TENM2: variants seen among roughly 807,000 people sequenced by gnomAD.
TENM2 encodes the protein teneurin transmembrane protein 2, also known as teneurin-2.
TENM2 carries 52 observed loss-of-function variants against 245.2 expected under a neutral mutation model. The ratio of observed to expected loss-of-function variants is 0.21; its 90% CI spans 0.17 to 0.27. The LOEUF (loss-of-function observed/expected upper bound fraction) is 0.27, where lower values mean the gene tolerates loss of function less well. Ranked by LOEUF, TENM2 falls within the 10% of genes least tolerant of loss-of-function variation. TENM2 has a pLI of 1.00. For synonymous variants in TENM2, 1,363 were observed against 1,438.9 expected (o/e 0.95, Z 1.19); for missense variants, 3,046 against 3,666.8 (o/e 0.83, Z 4.37).
chr5:167,188,449 G>A, the TENM2 span, among the ~76,000 whole-genome samples: 4 of 151,962 alleles, frequency 2.6e-5, no homozygotes, highest in Admixed American at 6.6e-5. Flanking sequence ...TCCTTTTTTA[G>A]ACTCTATCTC....
At chr5:167,927,857 C>G (rs1410317299) in intron 3 of TENM2, among the ~76,000 whole-genome samples, 1 of 152,102 alleles carries the variant, frequency 6.6e-6, no homozygotes, top group Non-Finnish European at 1.5e-5. Context: ...GCCTGCCCAC[C>G]CTAACTCTAA....
At chr5:167,410,671 C>T (rs1386613871) in intron 2 of TENM2, among the ~76,000 whole-genome samples, 2 of 151,978 alleles carry the variant, frequency 1.3e-5, no homozygotes, top group African/African-American at 4.8e-5. Flanking sequence ...TAAAGCAGGT[C>T]TAAAATTATT....
chr5:167,633,978 G>C (rs1779032911), intron 2 of TENM2, among the ~76,000 whole-genome samples: 1 of 152,138 alleles, frequency 6.6e-6, no homozygotes, highest in Admixed American at 6.6e-5. Context: ...CAACTGGTTT[G>C]TTTCTGTATT....
At chr5:167,789,273 G>A (rs754471291) in intron 2 of TENM2, among the ~76,000 whole-genome samples, 70 of 152,186 alleles carry the variant, frequency 4.6e-4, no homozygotes, top group Non-Finnish European at 5.6e-4. Flanking sequence ...GTAGGGTAAT[G>A]TAACCCTAAT....
At chr5:167,207,353 C>T in the TENM2 span, among the ~76,000 whole-genome samples, 31 of 152,298 alleles carry the variant, frequency 2.0e-4, no homozygotes, top group East Asian at 5.4e-3. Flanking sequence ...CACTGAGTTC[C>T]GGCCAATTGT....
chr5:167,782,734 T>A (rs143160928), intron 2 of TENM2, among the ~76,000 whole-genome samples: 1 of 152,350 alleles, frequency 6.6e-6, no homozygotes, highest in East Asian at 1.9e-4. Context: ...GGTACTTTTT[T>A]GATCTTTTCA....
chr5:168,068,504 C>A (rs2152117851), intron 7 of TENM2, among the ~76,000 whole-genome samples: 1 of 152,110 alleles, frequency 6.6e-6, no homozygotes, highest in Non-Finnish European at 1.5e-5. Context: ...TTAGTATTAT[C>A]ATGTTAATCT....
chr5:167,935,374 T>A (rs961440345), intron 3 of TENM2, among the ~76,000 whole-genome samples: 1 of 152,162 alleles, frequency 6.6e-6, no homozygotes, highest in Non-Finnish European at 1.5e-5. Context: ...TGGAATCTGA[T>A]GGACAGGACT....
chr5:168,187,927 G>A (rs1367932399), intron 13 of TENM2, among the ~76,000 whole-genome samples: 1 of 152,218 alleles, frequency 6.6e-6, no homozygotes, highest in African/African-American at 2.4e-5. Flanking sequence ...AAGTGTGCAT[G>A]CCTGCTCACC....
intron 2 of TENM2, chr5:167,653,337 A>G (rs1754603982): frequency 6.6e-6 from 1 of 152,098 alleles, no homozygotes; most frequent in African/African-American, 2.4e-5. Flanking sequence ...TCACTGCAGC[A>G]TTGAAGTCCC....
the TENM2 span, among the ~76,000 whole-genome samples, chr5:167,124,665 A>G: frequency 5.3e-5 from 8 of 152,216 alleles, no homozygotes; most frequent in South Asian, 1.2e-3. Context: ...GAGGGTTATA[A>G]TGGTTCCATC....
chr5:168,253,487 A>G (rs1159748376), intron 27 of TENM2, among the ~76,000 whole-genome samples: 1 of 144,636 alleles, frequency 6.9e-6, no homozygotes. Context: ...GTGCAGTGGT[A>G]CGATCTTGGC....
At chr5:167,449,154 A>G (rs1217999943) in intron 2 of TENM2, among the ~76,000 whole-genome samples, 2 of 152,190 alleles carry the variant, frequency 1.3e-5, no homozygotes, top group African/African-American at 4.8e-5. Context: ...CTTGTAGGCA[A>G]GTGTGATATT....
At chr5:168,002,081 T>C (rs1784451736) in intron 5 of TENM2, among the ~76,000 whole-genome samples, 2 of 152,234 alleles carry the variant, frequency 1.3e-5, no homozygotes, top group Admixed American at 1.3e-4. Flanking sequence ...ATATGTAATA[T>C]GTGTCATCTT....
intron 2 of TENM2, among the ~76,000 whole-genome samples, chr5:167,773,719 G>A (rs1763550279): frequency 6.6e-6 from 1 of 152,090 alleles, no homozygotes; most frequent in African/African-American, 2.4e-5. Flanking sequence ...GGCTCCAGAA[G>A]CTGAAAGCAT....
intron 20 of TENM2, among the ~76,000 whole-genome samples, chr5:168,213,721 C>G (rs7709161): frequency 0.047 from 7,201 of 151,950 alleles, 522 homozygotes; most frequent in African/African-American, 0.16. Flanking sequence ...GTAGTTTCAA[C>G]TACTCAGGAG....
In TENM2 at chr5:167,334,013, A is replaced by G. The variant is rs921424954; in HGVS notation, c.227-41185A>G. 3.3e-5 allele frequency among the ~76,000 whole-genome samples: 5 copies of G among 152,224 alleles called. No homozygotes were observed. In the East Asian group the frequency reaches 9.6e-4, roughly 29 times the overall value. On this transcript the variant is annotated intron_variant, in intron 1 of 28. Coordinates refer to ENST00000518659, the Ensembl canonical transcript of TENM2. ...TTGTAACTAAATATATAGCATGTAAATATTTAAATAAGAATACACTAATAA... is the reference window on the plus strand; with the variant it reads ...TTGTAACTAAATATATAGCATGTAAGTATTTAAATAAGAATACACTAATAA...
intron 2 of TENM2, among the ~76,000 whole-genome samples, chr5:167,408,941 AATAT>A (rs57319231): frequency 5.5e-5 from 8 of 146,608 alleles, no homozygotes; most frequent in African/African-American, 1.5e-4. Flanking sequence ...TCCCAAATCT[AATAT>A]ATATATATAT....
the TENM2 span, among the ~76,000 whole-genome samples, chr5:167,092,450 A>C: frequency 6.6e-6 from 1 of 152,224 alleles, no homozygotes; most frequent in Non-Finnish European, 1.5e-5. Context: ...GATTTAGGTT[A>C]TAGAGTCAGC....
Sources: gnomAD v4.1 joint callset for allele counts (sites outside exome capture counted in the v4.1 genomes callset) on GRCh38, gnomAD v4.1.1 for gene constraint, MANE v1.5 for transcripts, NCBI Gene and HGNC (gene_info 2026-07-23, HGNC 2026-07-21) for gene names.